The following COP1 variants were observed in gnomAD, a reference collection of about 807,000 sequenced individuals.
The protein encoded by COP1 is E3 ubiquitin-protein ligase COP1.
In COP1, 24 loss-of-function variants were observed where a neutral mutation model predicts 101.3. That is an observed-to-expected ratio of 0.24 (90% CI 0.17 to 0.33). The LOEUF is 0.33. Ranked by LOEUF, COP1 falls within the 10% of genes least tolerant of loss-of-function variation. The probability of loss-of-function intolerance (pLI) is 1.00; values close to 1 mark genes in which losing one functional copy is unlikely to be tolerated. For missense variants in COP1, 663 were observed against 906.2 expected (o/e 0.73, Z 3.45); for synonymous variants, 347 against 341.9 (o/e 1.01, Z -0.17).
At chr1:176,169,582 A>T (rs1695725578) in intron 3 of COP1, among the ~76,000 whole-genome samples, 2 of 152,188 alleles carry the variant, frequency 1.3e-5, no homozygotes, top group African/African-American at 2.4e-5. Flanking sequence ...TTATGTCTTT[A>T]AAAAAAGTAT....
intron 15 of COP1, among the ~76,000 whole-genome samples, chr1:176,000,586 CTGAT>C (rs1661367033): frequency 6.6e-6 from 1 of 151,934 alleles, no homozygotes; most frequent in Admixed American, 6.6e-5. Context: ...TGGTCTCTCA[CTGAT>C]TGAAATGTCA....
At chr1:175,995,050 A>G (rs1441380693) in intron 15 of COP1, among the ~76,000 whole-genome samples, 12 of 152,244 alleles carry the variant, frequency 7.9e-5, no homozygotes, top group Admixed American at 7.9e-4. Flanking sequence ...ACTGTCTCTC[A>G]GACCACAGCG....
intron 11 of COP1, among the ~76,000 whole-genome samples, chr1:176,079,706 T>C (rs1019640271): frequency 6.6e-6 from 1 of 151,140 alleles, no homozygotes; most frequent in African/African-American, 2.4e-5. Context: ...TGGAAAAAAG[T>C]AATAAAATAC....
chr1:176,107,878 C>A (rs182304559), intron 9 of COP1, among the ~76,000 whole-genome samples: 115 of 152,186 alleles, frequency 7.6e-4, no homozygotes, highest in Non-Finnish European at 1.2e-3. Context: ...CATAAGGAAA[C>A]ACAAGACAAA....
At position 175,949,765 on chromosome 1, in the gene COP1, C is replaced by T. The variant is rs200689713; in HGVS notation, c.2134-2526G>A. 2.0e-5 allele frequency among the ~76,000 whole-genome samples: 3 copies of T among 152,148 alleles called. No individual in the cohort carries two copies. The East Asian group carries it at 5.8e-4, about 29-fold the overall frequency. Reference sequence around the variant, plus strand: ...ACAATGAAAAATTTAAAGCCGAAAGCTCCATCTCCTTCTGCCATTTTGGGT... The same window carrying T: ...ACAATGAAAAATTTAAAGCCGAAAGTTCCATCTCCTTCTGCCATTTTGGGT... On this transcript the variant is annotated intron_variant, in intron 18 of 19. Transcript: ENST00000367669.
At chr1:176,160,367 C>T (rs1315618514) in intron 5 of COP1, 2 of 249,658 alleles carry the variant, frequency 8.0e-6, no homozygotes, top group African/African-American at 5.0e-5. Context: ...TGGGCAAAGA[C>T]TTCATGACTA....
intron 6 of COP1, among the ~76,000 whole-genome samples, chr1:176,145,027 GA>G (rs1691349952): frequency 6.6e-6 from 1 of 152,058 alleles, no homozygotes; most frequent in African/African-American, 2.4e-5. Context: ...ATTAATATCA[GA>G]AACTTCTGGT....
At chr1:176,047,712 C>T (rs1196524748) in intron 11 of COP1, among the ~76,000 whole-genome samples, 1 of 152,112 alleles carries the variant, frequency 6.6e-6, no homozygotes, top group Admixed American at 6.5e-5. Flanking sequence ...ATTCACAGAA[C>T]AGTTAATGAT....
At chr1:176,114,610 A>C (rs1685871386) in intron 9 of COP1, among the ~76,000 whole-genome samples, 1 of 151,004 alleles carries the variant, frequency 6.6e-6, no homozygotes. Context: ...GTGGGGGGGA[A>C]AGGGTCTCAC....
intron 1 of COP1, among the ~76,000 whole-genome samples, chr1:176,191,725 C>T (rs1052425165): frequency 6.6e-6 from 1 of 152,034 alleles, no homozygotes; most frequent in African/African-American, 2.4e-5. Context: ...GTTCCATTTG[C>T]TCTAATAAAA....
rs143478937 is a variant in COP1 at position 176,125,300 on chromosome 1, A to G, written c.969-8619T>C. 2.6e-3 allele frequency among the ~76,000 whole-genome samples: 399 copies of G among 152,046 alleles called. 3 individuals are homozygous for G. Among genetic ancestry groups the G allele is most frequent in the African/African-American group, 9.2e-3 (381 of 41,484 alleles). The stretch of plus-strand genomic sequence containing the variant: ...TTCATTTTTGCTTTGGTTGCCTGTG[A>G]TTGTGGGGTATTACTCAAAAATTTT... On this transcript the variant is annotated intron_variant, in intron 8 of 19. Coordinates refer to ENST00000367669, the MANE Select transcript of COP1 (RefSeq NM_022457.7).
chr1:176,106,211 TG>T, intron 9 of COP1, among the ~76,000 whole-genome samples: 1 of 152,000 alleles, frequency 6.6e-6, no homozygotes. Context: ...TTGTATTTTT[TG>T]TAGAGACGAG....
At chr1:176,021,648 A>G (rs145875727) in intron 15 of COP1, among the ~76,000 whole-genome samples, 13 of 152,324 alleles carry the variant, frequency 8.5e-5, no homozygotes, top group Non-Finnish European at 1.3e-4. Flanking sequence ...AAATCTGGGA[A>G]ATGGTTGTCT....
intron 8 of COP1, among the ~76,000 whole-genome samples, chr1:176,132,641 GTACGTATATA>G (rs1689103654): frequency 3.6e-5 from 1 of 27,722 alleles, no homozygotes; most frequent in African/African-American, 1.5e-4. Flanking sequence ...ATACACATAT[GTACGTATATA>G]TACTATATAT....
At chr1:176,058,017 G>T (rs1267738823) in intron 11 of COP1, among the ~76,000 whole-genome samples, 1 of 84,428 alleles carries the variant, frequency 1.2e-5, no homozygotes, top group African/African-American at 3.0e-5. Context: ...CCCTCCGCCC[G>T]GCAGCCGCCC....
At chr1:176,002,443 G>A (rs1396840832) in intron 15 of COP1, among the ~76,000 whole-genome samples, 4 of 151,952 alleles carry the variant, frequency 2.6e-5, no homozygotes, top group South Asian at 4.2e-4. Flanking sequence ...CCATGCTGGT[G>A]TACTGCACCC....
At chr1:176,067,114 A>G in intron 11 of COP1, among the ~76,000 whole-genome samples, 1 of 152,344 alleles carries the variant, frequency 6.6e-6, no homozygotes, top group South Asian at 2.1e-4. Flanking sequence ...TATATGCCAT[A>G]TATTAGTCCA....
intron 6 of COP1, among the ~76,000 whole-genome samples, chr1:176,139,612 C>T (rs914731645): frequency 2.0e-5 from 3 of 152,074 alleles, no homozygotes; most frequent in Non-Finnish European, 4.4e-5. Flanking sequence ...ACAGAGACAC[C>T]GTGGAATACT....
At chr1:175,961,915 A>C (rs571292713) in intron 18 of COP1, among the ~76,000 whole-genome samples, 50 of 152,164 alleles carry the variant, frequency 3.3e-4, no homozygotes, top group Non-Finnish European at 4.7e-4. Flanking sequence ...ATTTGAAAAA[A>C]AAAAATGGTT....
Sources: gnomAD v4.1 joint callset for allele counts (sites outside exome capture counted in the v4.1 genomes callset) on GRCh38, gnomAD v4.1.1 for gene constraint, MANE v1.5 for transcripts, NCBI Gene and HGNC (gene_info 2026-07-23, HGNC 2026-07-21) for gene names.